CXCL11: variants seen among roughly 807,000 people sequenced by gnomAD.
CXCL11 encodes the protein C-X-C motif chemokine 11.
A neutral mutation model predicts 9.7 loss-of-function variants in CXCL11; 7 were observed. The ratio of observed to expected loss-of-function variants is 0.72; its 90% CI spans 0.41 to 1.36. The LOEUF (loss-of-function observed/expected upper bound fraction) is 1.36. Among genes scored for constraint, CXCL11 ranks in the 40% most tolerant of loss-of-function variants. The probability of loss-of-function intolerance (pLI) is 0.01; values close to 1 mark genes in which losing one functional copy is unlikely to be tolerated. For missense variants in CXCL11, 107 were observed against 113.4 expected (o/e 0.94, Z 0.26); for synonymous variants, 35 against 34.4 (o/e 1.02, Z -0.06).
intron 1 of CXCL11, 35 bp from the exon 2 acceptor site, chr4:76,035,377 C>T: frequency 6.2e-7 from 1 of 1,603,318 alleles, no homozygotes; most frequent in Non-Finnish European, 8.5e-7. Flanking sequence ...AGTAATGCAT[C>T]TGATTGCAAC....
In CXCL11 at chr4:76,034,865, C is replaced by T. The variant is rs775626155; in HGVS notation, c.262-49G>A. 6 of 1,513,604 alleles carry T rather than the reference C, an allele frequency of 4.0e-6. No individual in the cohort carries two copies. The South Asian group carries it at 5.9e-5, about 15-fold the overall frequency. The allele number at this position is 1,513,604 out of a possible 1,614,324, so 93.8% of individuals were successfully genotyped here. On this transcript the variant is annotated intron_variant, in intron 3 of 3. Coordinates refer to ENST00000306621, the MANE Select transcript of CXCL11 (RefSeq NM_005409.5). ...TATTTACTTGGGCTGTTCTTGTTTC[C>T]CCCAGGACATCTAAAAACATGTAGT...
Position 76,035,315 on chromosome 4 carries a change from C to A in CXCL11, c.89G>T (p.Cys30Phe), listed in dbSNP as rs1436351705. ...QGFPMFKRGR[C>F]LCIGPGVKAV... ...TTTTACCCCAGGGCCTATGCAAAGA[C>A]AGCGTCCTCTTTTGAACATGGGGAA... Residue 30 changes from cysteine to phenylalanine, a missense_variant, in exon 2 of 4, where the codon TGT becomes TTT. Coordinates refer to ENST00000306621, the MANE Select transcript of CXCL11 (RefSeq NM_005409.5). 6.2e-7 allele frequency: 1 copy of A among 1,614,030 alleles called. No individual in the cohort carries two copies. The highest frequency in any genetic ancestry group is 1.1e-5 in the South Asian group (1 of 91,068).
intron 2 of CXCL11, 47 bp downstream of exon 2, chr4:76,035,169 A>G (rs1435326630): frequency 1.2e-6 from 2 of 1,613,254 alleles, no homozygotes; most frequent in African/African-American, 1.3e-5. Flanking sequence ...AAATACATAA[A>G]CAAAAAAGCC....
rs1365618654 is a variant in CXCL11, at chr4:76,034,830, A to G, written c.262-14T>C. The stretch of plus-strand genomic sequence containing the variant: ...TCTTTCAACTTTCTGGAATAAGAAA[A>G]CAAGAGTTTTATTTACTTGGGCTGT... On this transcript the variant is annotated splice_polypyrimidine_tract_variant and intron_variant, in intron 3 of 3. Coordinates refer to ENST00000306621, the MANE Select transcript of CXCL11 (RefSeq NM_005409.5). 1 of 1,553,476 alleles carries G rather than the reference A, an allele frequency of 6.4e-7. No individual in the cohort carries two copies.
At chr4:76,035,858 G>C in intron 1 of CXCL11, 69 bp downstream of exon 1, 1 of 1,357,922 alleles carries the variant, frequency 7.4e-7, no homozygotes, top group Non-Finnish European at 1.0e-6. Flanking sequence ...TAGGATAAAA[G>C]TGGAAGAAAA....
chr4:76,035,178 C>A (rs778557567), intron 2 of CXCL11, 38 bp downstream of exon 2: 7 of 1,613,780 alleles, frequency 4.3e-6, no homozygotes, highest in Non-Finnish European at 5.1e-6. Context: ...AACAAAAAAG[C>A]CTGCACCATT....
Position 76,034,785 on chromosome 4 carries a change from T to C in CXCL11, c.*8A>G. 1 of 1,525,792 alleles carries C rather than the reference T, an allele frequency of 6.6e-7. No individual in the cohort carries two copies. Among genetic ancestry groups the C allele is most frequent in the Non-Finnish European group, 9.0e-7 (1 of 1,105,134 alleles). 94.5% of individuals were successfully genotyped at this position (1,525,792 alleles called of 1,614,324 possible). A position where few individuals can be genotyped will look rare whatever the true frequency, so the allele number is the denominator to read the frequency against. ...CTCTTTTCCAGGACTTCATATGTTT[T>C]GATATTTTTAAAAATTCTTTCTTTC... is the stretch of plus-strand genomic sequence containing the variant. On this transcript the variant is annotated 3_prime_UTR_variant, in exon 4 of 4. Coordinates refer to ENST00000306621, the MANE Select transcript of CXCL11 (RefSeq NM_005409.5).
At chr4:76,034,961 T>C in intron 3 of CXCL11, 86 bp downstream of exon 3, 3 of 1,408,494 alleles carry the variant, frequency 2.1e-6, no homozygotes, top group South Asian at 2.3e-5. Context: ...GCAGAATCTT[T>C]CTGTAGTTGT....
rs1734107619 is a variant in CXCL11 at position 76,034,018 on chromosome 4, G to A, written c.*775C>T. Reference sequence around the variant, plus strand: ...CTTCAAAACATCTCAATGAATAAAAGTTGAAAAACATCAAATTAAGACTGG... The same window carrying A: ...CTTCAAAACATCTCAATGAATAAAAATTGAAAAACATCAAATTAAGACTGG... On this transcript the variant is annotated 3_prime_UTR_variant, in exon 4 of 4. Transcript: ENST00000306621. The A allele has an allele frequency of 6.4e-6, 1 of 156,322 alleles. No individual in the cohort carries two copies. Among genetic ancestry groups the A allele is most frequent in the Middle Eastern group, 3.2e-3 (1 of 310 alleles). 9.7% of individuals were successfully genotyped at this position (156,322 alleles called of 1,614,324 possible). A position where few individuals can be genotyped will look rare whatever the true frequency, so the allele number is the denominator to read the frequency against.
At chr4:76,035,469 T>C in intron 1 of CXCL11, 127 bp from the exon 2 acceptor site, 1 of 876,036 alleles carries the variant, frequency 1.1e-6, no homozygotes, top group Non-Finnish European at 1.7e-6. Flanking sequence ...CAAATAGCAC[T>C]TAACACAACT....
intron 3 of CXCL11, 25 bp downstream of exon 3, chr4:76,035,022 A>C: frequency 6.3e-7 from 1 of 1,577,336 alleles, no homozygotes; most frequent in Non-Finnish European, 8.7e-7. Flanking sequence ...ACAGATTATA[A>C]CATGGGAGTA....
chr4:76,034,741 G>A lies in CXCL11; in HGVS notation c.*52C>T, dbSNP rs370632418. The stretch of plus-strand genomic sequence containing the variant: ...CATTTCAGTAGTCACAGTTAAACTT[G>A]TTCTAGGTTTTTCAGATGCTCTTTT... On this transcript the variant is annotated 3_prime_UTR_variant, in exon 4 of 4. Coordinates refer to ENST00000306621, the MANE Select transcript of CXCL11 (RefSeq NM_005409.5). 9.8e-5 allele frequency: 131 copies of A among 1,330,952 alleles called. No homozygotes were observed. The African/African-American group carries it at 1.8e-3, about 18-fold the overall frequency. 82.4% of individuals were successfully genotyped at this position (1,330,952 alleles called of 1,614,324 possible).
chr4:76,034,611 T>C lies in CXCL11; in HGVS notation c.*182A>G, dbSNP rs1334066664. On this transcript the variant is annotated 3_prime_UTR_variant, in exon 4 of 4. Transcript: ENST00000306621. ...CATTCATTCAGGAAGACTGTATTTC[T>C]GTTTTTGGTCCTTTCACCCACCTTT... 13 of 618,012 alleles carry C rather than the reference T, an allele frequency of 2.1e-5. No homozygotes were observed. Among genetic ancestry groups the C allele is most frequent in the Admixed American group, 6.9e-5 (2 of 29,060 alleles). The allele number at this position is 618,012 out of a possible 1,614,324, so 38.3% of individuals were successfully genotyped here.
chr4:76,035,927 C>T lies in CXCL11; in HGVS notation c.61G>A (p.Gly21Ser), dbSNP rs749029946. The T allele has an allele frequency of 1.2e-6, 2 of 1,611,970 alleles. No homozygotes were observed. Among genetic ancestry groups the T allele is most frequent in the Admixed American group, 3.3e-5 (2 of 59,722 alleles). Residue 21 changes from glycine (G) to serine (S), a missense_variant and splice_region_variant, in exon 1 of 4, where the codon GGC (glycine) becomes AGC (serine). By Grantham distance (56) the Gly-to-Ser change is moderately conservative. Transcript: ENST00000306621. ...AVILCATVVQ[G>S]FPMFKRGRCL... ...TTGAGAAATAAAAATTACTGCATACCTTGAACAACTGTAGCACACAATATC... is the reference window on the plus strand; with the variant it reads ...TTGAGAAATAAAAATTACTGCATACTTTGAACAACTGTAGCACACAATATC...
Position 76,035,041 on chromosome 4 carries a change from A to G in CXCL11, c.261+6T>C, listed in dbSNP as rs1440268024. On this transcript the variant is annotated splice_donor_region_variant and intron_variant, in intron 3 of 3. Coordinates refer to ENST00000306621, the MANE Select transcript of CXCL11 (RefSeq NM_005409.5). ...ATTATAACATGGGAGTAATTTGGTA[A>G]CTTACTTTGATTATAAGCCTTGCTT... is the stretch of plus-strand genomic sequence containing the variant. The G allele has an allele frequency of 1.4e-5, 23 of 1,608,632 alleles. No homozygotes were observed. The highest frequency in any genetic ancestry group is 1.9e-5 in the Non-Finnish European group (22 of 1,175,216).
chr4:76,035,852 A>G, intron 1 of CXCL11, 75 bp downstream of exon 1: 8 of 1,312,352 alleles, frequency 6.1e-6, no homozygotes, highest in Non-Finnish European at 8.7e-6. Flanking sequence ...GTCTTTTAGG[A>G]TAAAAGTGGA....
At chr4:76,035,858 G>A in intron 1 of CXCL11, 69 bp downstream of exon 1, 1 of 1,357,922 alleles carries the variant, frequency 7.4e-7, no homozygotes, top group Non-Finnish European at 1.0e-6. Context: ...TAGGATAAAA[G>A]TGGAAGAAAA....
chr4:76,035,880 C>T (rs1734343345), intron 1 of CXCL11, 47 bp downstream of exon 1: 1 of 1,517,350 alleles, frequency 6.6e-7, no homozygotes, highest in African/African-American at 1.4e-5. Flanking sequence ...ACATTTGAAA[C>T]ATTAGAAAAG....
rs1734148267 is a variant in CXCL11 at position 76,034,354 on chromosome 4, A to G, written c.*439T>C. On this transcript the variant is annotated 3_prime_UTR_variant, in exon 4 of 4. Coordinates refer to ENST00000306621, the MANE Select transcript of CXCL11 (RefSeq NM_005409.5). Reference sequence around the variant, plus strand: ...AGATAGTAATATAGCATAAAGATCAATACAGACAGATGACTTCTAGAGACA... The same window carrying G: ...AGATAGTAATATAGCATAAAGATCAGTACAGACAGATGACTTCTAGAGACA... 3 of 421,836 alleles carry G rather than the reference A, an allele frequency of 7.1e-6. No individual in the cohort carries two copies. Among genetic ancestry groups the G allele is most frequent in the South Asian group, 2.0e-4 (2 of 9,896 alleles). The allele number at this position is 421,836 out of a possible 1,614,324, so 26.1% of individuals were successfully genotyped here.
Sources: allele counts gnomAD v4.1 joint callset, GRCh38; gene constraint gnomAD v4.1.1; transcripts MANE v1.5; gene names NCBI Gene and HGNC (gene_info 2026-07-23, HGNC 2026-07-21).